The following TSC22D3 variants were observed in gnomAD, a reference collection of about 807,000 sequenced individuals.
The protein encoded by TSC22D3 is TSC22 domain family protein 3.
TSC22D3 carries 4 observed loss-of-function variants against 11.1 expected under a neutral mutation model. The observed-to-expected ratio is 0.36, with a 90% confidence interval of 0.18 to 0.83. The LOEUF is 0.83. Ranked by LOEUF, TSC22D3 falls within the 40% of genes least tolerant of loss-of-function variation. TSC22D3 has a pLI of 0.48. For synonymous variants in TSC22D3, 77 were observed against 70.3 expected (o/e 1.10, Z -0.48); for missense variants, 118 against 159.4 (o/e 0.74, Z 1.40).
chrX:107,714,894 A>C, intron 2 of TSC22D3, 145 bp from the exon 3 acceptor site: 1 of 524,000 alleles, frequency 1.9e-6, no homozygotes, highest in Non-Finnish European at 3.1e-6. Context: ...TGGCAAGTCC[A>C]ATTCCTCGTT....
At position 107,762,808 on chromosome X, in the gene TSC22D3, T is replaced by C. The variant is rs766575922; in HGVS notation, c.320+12292A>G. On this transcript the variant is annotated intron_variant, in intron 1 of 2. Transcript: ENST00000372383. ...CACCATCTCTGAGTTGTGACTTTTC[T>C]TATATTTGCTTTAAAAAAAAAAAAA... Among the ~76,000 whole-genome samples the C allele has an allele frequency of 5.6e-5, 6 of 106,893 alleles. No homozygotes were observed. The South Asian group carries it at 2.5e-3, about 45-fold the overall frequency. The allele number at this position is 106,893 out of a possible 115,157, so 92.8% of individuals were successfully genotyped here. A position where few individuals can be genotyped will look rare whatever the true frequency, so the allele number is the denominator to read the frequency against.
chrX:107,769,468 AGG>A (rs1929804150), intron 1 of TSC22D3, among the ~76,000 whole-genome samples: 1 of 111,448 alleles, frequency 9.0e-6, no homozygotes, highest in Non-Finnish European at 1.9e-5. Context: ...AGAGGTTACC[AGG>A]GGGTAGTGGG....
At chrX:107,764,715 T>G (rs746097617) in intron 1 of TSC22D3, among the ~76,000 whole-genome samples, 1 of 111,770 alleles carries the variant, frequency 8.9e-6, no homozygotes, top group African/African-American at 3.2e-5. Context: ...CACCCCTGCT[T>G]CTGTTACCCA....
chrX:107,742,489 C>T (rs1928466126), intron 1 of TSC22D3, among the ~76,000 whole-genome samples: 1 of 110,794 alleles, frequency 9.0e-6, no homozygotes, highest in African/African-American at 3.3e-5. Context: ...CACTGTTCTC[C>T]CCGCCGAGGC....
chrX:107,736,804 G>C (rs1426039724), intron 1 of TSC22D3, among the ~76,000 whole-genome samples: 1 of 111,319 alleles, frequency 9.0e-6, no homozygotes. Flanking sequence ...AAAGTAGAAG[G>C]AGCTGAGAGG....
chrX:107,716,622 C>A, intron 1 of TSC22D3: 3 of 1,111,123 alleles, frequency 2.7e-6, no homozygotes, highest in Non-Finnish European at 3.5e-6. Flanking sequence ...GCTCAGAGAC[C>A]GGGCTCCTAG....
At chrX:107,717,691 G>A (rs527304418) in intron 1 of TSC22D3, among the ~76,000 whole-genome samples, 59 of 112,367 alleles carry the variant, frequency 5.3e-4, no homozygotes, top group African/African-American at 1.7e-3. Flanking sequence ...TGCATGCACA[G>A]GTCCATGCTA....
At chrX:107,748,938 C>T (rs1928799962) in intron 1 of TSC22D3, among the ~76,000 whole-genome samples, 1 of 111,793 alleles carries the variant, frequency 8.9e-6, no homozygotes, top group Non-Finnish European at 1.9e-5. Context: ...ATTGGCATTG[C>T]CAGCCTATAG....
rs746377634 is a variant in TSC22D3, at chrX:107,759,471, C to T, written c.320+15629G>A. 2.7e-5 allele frequency among the ~76,000 whole-genome samples: 3 copies of T among 112,141 alleles called. No homozygotes were observed. The East Asian group carries it at 8.5e-4, about 32-fold the overall frequency. ...CCATTTTGTAAGTAGGCAAAGCAGC[C>T]CACAGAAGGGCAGGAGTTACTTACT... On this transcript the variant is annotated intron_variant, in intron 1 of 2. Coordinates refer to ENST00000372383, the MANE Select transcript of TSC22D3 (RefSeq NM_198057.3).
chrX:107,767,291 G>A (rs1322911360), intron 1 of TSC22D3, among the ~76,000 whole-genome samples: 1 of 111,677 alleles, frequency 9.0e-6, no homozygotes, highest in Non-Finnish European at 1.9e-5. Context: ...TTTCTGGCTG[G>A]ACCTATTTGA....
At chrX:107,737,560 G>A (rs978582475) in intron 1 of TSC22D3, among the ~76,000 whole-genome samples, 55 of 111,184 alleles carry the variant, frequency 4.9e-4, no homozygotes, top group African/African-American at 1.7e-3. Context: ...AAAGAGGGTG[G>A]CTGCCTCCAT....
chrX:107,742,909 G>GCGC (rs1928485406), intron 1 of TSC22D3, among the ~76,000 whole-genome samples: 1 of 112,247 alleles, frequency 8.9e-6, no homozygotes, highest in Non-Finnish European at 1.9e-5. Flanking sequence ...CCCGAGAGCA[G>GCGC]CGCCCGTTCC....
At chrX:107,726,443 T>G (rs1164877155) in intron 1 of TSC22D3, among the ~76,000 whole-genome samples, 1 of 111,156 alleles carries the variant, frequency 9.0e-6, no homozygotes, top group Non-Finnish European at 1.9e-5. Flanking sequence ...GGGGTTGAAA[T>G]AAAAAGATAT....
At chrX:107,732,109 A>G (rs905764676) in intron 1 of TSC22D3, among the ~76,000 whole-genome samples, 2 of 110,446 alleles carry the variant, frequency 1.8e-5, no homozygotes, top group African/African-American at 6.6e-5. Context: ...GCTCCAGGCC[A>G]GCTCCCTGAA....
At chrX:107,769,331 G>A (rs974481990) in intron 1 of TSC22D3, among the ~76,000 whole-genome samples, 4 of 112,696 alleles carry the variant, frequency 3.5e-5, no homozygotes, top group Non-Finnish European at 7.5e-5. Context: ...ATGAAGTACT[G>A]ATATGTGCTA....
At chrX:107,738,652 C>T in intron 1 of TSC22D3, among the ~76,000 whole-genome samples, 1 of 113,223 alleles carries the variant, frequency 8.8e-6, no homozygotes, top group Non-Finnish European at 1.9e-5. Context: ...GGAGTCTGGC[C>T]TTCTGCTGCC....
chrX:107,717,147 C>T, intron 1 of TSC22D3: 1 of 799,476 alleles, frequency 1.3e-6, no homozygotes, highest in South Asian at 4.7e-5. Context: ...GAGTCCTGTA[C>T]CGGGCTTTGT....
At chrX:107,772,894 A>G (rs1929966781) in intron 1 of TSC22D3, among the ~76,000 whole-genome samples, 1 of 111,873 alleles carries the variant, frequency 8.9e-6, no homozygotes, top group Non-Finnish European at 1.9e-5. Flanking sequence ...GCAAGAGAAT[A>G]CTTTGTCCTC....
At position 107,714,474 on chromosome X, in the gene TSC22D3, G is replaced by A. The variant is rs1926900689; in HGVS notation, c.*45C>T. The A allele has an allele frequency of 8.8e-7, 1 of 1,135,319 alleles. No homozygotes were observed. The highest frequency in any genetic ancestry group is 1.8e-5 in the African/African-American group (1 of 54,710). The allele number at this position is 1,135,319 out of a possible 1,213,427, so 93.6% of individuals were successfully genotyped here. ...CCAAAAACAAACTGGAAAGAACTAG[G>A]TAAAACAAGTTTAGTGGCTCTGCCC... On this transcript the variant is annotated 3_prime_UTR_variant, in exon 3 of 3. Transcript: ENST00000372383.
Sources: gnomAD v4.1 joint callset for allele counts (sites outside exome capture counted in the v4.1 genomes callset) on GRCh38, gnomAD v4.1.1 for gene constraint, MANE v1.5 for transcripts, NCBI Gene and HGNC (gene_info 2026-07-23, HGNC 2026-07-21) for gene names.